The following CFAP36 variants were observed in gnomAD, a reference collection of about 807,000 sequenced individuals.
CFAP36 encodes cilia- and flagella-associated protein 36.
A neutral mutation model predicts 50.5 loss-of-function variants in CFAP36; 37 were observed. That is an observed-to-expected ratio of 0.73 (90% CI 0.56 to 0.96). The LOEUF (loss-of-function observed/expected upper bound fraction) is 0.96, where lower values mean the gene tolerates loss of function less well. Among genes scored for constraint, CFAP36 ranks in the 50% least tolerant of loss-of-function variants. The pLI is 0.00. For missense variants in CFAP36, 407 were observed against 396.2 expected, an observed-to-expected ratio of 1.03 and a Z score of -0.23; for synonymous variants, 138 against 128.2, an observed-to-expected ratio of 1.08 and a Z score of -0.52.
chr2:55,525,632 C>CT (rs35228412), intron 3 of CFAP36, among the ~76,000 whole-genome samples: 66,109 of 149,940 alleles, frequency 0.44, 15,415 homozygotes, highest in Non-Finnish European at 0.52. Context: ...AACTTGCTCT[C>CT]TTTTTTTTTT....
At chr2:55,531,026 A>G (rs1453548623) in intron 4 of CFAP36, 1 of 152,200 alleles carries the variant, frequency 6.6e-6, no homozygotes, top group Non-Finnish European at 1.5e-5. Context: ...AGAGCCAGCC[A>G]CCATCATAAT....
chr2:55,524,245 T>C (rs1684143973), intron 3 of CFAP36, among the ~76,000 whole-genome samples: 1 of 152,174 alleles, frequency 6.6e-6, no homozygotes, highest in East Asian at 1.9e-4. Flanking sequence ...ACATATGTTA[T>C]AAACTAATGT....
intron 6 of CFAP36, among the ~76,000 whole-genome samples, chr2:55,536,425 C>G (rs113399145): frequency 0.024 from 3,652 of 151,776 alleles, 150 homozygotes; most frequent in African/African-American, 0.083. Flanking sequence ...GCCACCATGC[C>G]CGGCCAGAAC....
chr2:55,521,595 A>ATG (rs60921606), intron 1 of CFAP36, among the ~76,000 whole-genome samples: 2,040 of 146,184 alleles, frequency 0.014, 24 homozygotes, highest in African/African-American at 0.029. Flanking sequence ...AATAGTATAT[A>ATG]TGTGTGTGTG....
In CFAP36 at chr2:55,524,850, A is replaced by G. The variant is rs889687516; in HGVS notation, c.282+1028A>G. Among the ~76,000 whole-genome samples the G allele has an allele frequency of 2.0e-5, 3 of 152,010 alleles. No individual in the cohort carries two copies. The East Asian group carries it at 5.8e-4, about 30-fold the overall frequency. On this transcript the variant is annotated intron_variant, in intron 3 of 9. Coordinates refer to ENST00000349456, the MANE Select transcript of CFAP36 (RefSeq NM_080667.7). ...TACAAAATTAGCTGGGCATGGTGGC[A>G]CATGCCTGTAATCCCAGCTACTTGG... is the stretch of plus-strand genomic sequence containing the variant.
In CFAP36 at chr2:55,522,157, C is replaced by A; in HGVS notation, c.171C>A (p.Tyr57Ter). 6.6e-7 allele frequency: 1 copy of A among 1,518,520 alleles called. No homozygotes were observed. The highest frequency in any genetic ancestry group is 9.0e-7 in the Non-Finnish European group (1 of 1,110,440). The allele number at this position is 1,518,520 out of a possible 1,614,324, so 94.1% of individuals were successfully genotyped here. ...CCTATACAGAGATTCATCAGGAATA[C>A]AAAGAACTAGTGAGTATTTTTTTTC... ...KLTYTEIHQE[Y>*]KELVEKLLEG... The change falls in exon 2 of 10, where the codon TAC becomes TAA. Residue 57 changes from tyrosine to a stop codon, truncating the protein, a stop_gained. Transcript: ENST00000349456. LOFTEE classifies it high-confidence loss of function.
intron 7 of CFAP36, among the ~76,000 whole-genome samples, chr2:55,541,374 C>A (rs1055042900): frequency 5.3e-5 from 8 of 152,130 alleles, no homozygotes; most frequent in African/African-American, 1.9e-4. Flanking sequence ...TTATTTAGTT[C>A]TTTGATTTCT....
chr2:55,529,749 C>G (rs1347956667), intron 4 of CFAP36, among the ~76,000 whole-genome samples: 1 of 150,602 alleles, frequency 6.6e-6, no homozygotes, highest in Non-Finnish European at 1.5e-5. Flanking sequence ...CGGGTTTACA[C>G]CATTCTCCTG....
chr2:55,528,547 C>A (rs1291134762), intron 3 of CFAP36, among the ~76,000 whole-genome samples: 1 of 152,044 alleles, frequency 6.6e-6, no homozygotes, highest in Non-Finnish European at 1.5e-5. Flanking sequence ...GTATGCACCA[C>A]CGCACCTGGC....
chr2:55,543,545 G>T (rs919839207), intron 7 of CFAP36, among the ~76,000 whole-genome samples: 2 of 152,126 alleles, frequency 1.3e-5, no homozygotes, highest in Non-Finnish European at 2.9e-5. Context: ...CTTTTTACAT[G>T]CAAGCAAAAG....
chr2:55,538,569 C>T (rs1463249567), intron 7 of CFAP36, among the ~76,000 whole-genome samples: 2 of 151,892 alleles, frequency 1.3e-5, no homozygotes, highest in Non-Finnish European at 2.9e-5. Context: ...GCTGGGATTA[C>T]AGGCATGAGC....
chr2:55,519,785 T>TAG lies in CFAP36; in HGVS notation c.-17_-16insAG. On this transcript the variant is annotated 5_prime_UTR_variant, in exon 1 of 10. Coordinates refer to ENST00000349456, the MANE Select transcript of CFAP36 (RefSeq NM_080667.7). ...GGTCTGGCCTAGGGATCTTCCCCGT[T>TAG]GCCCCTTTGGGGCGGGATGGCTGCG... 1 of 1,612,834 alleles carries TAG rather than the reference T, an allele frequency of 6.2e-7. No individual in the cohort carries two copies. The highest frequency in any genetic ancestry group is 1.3e-5 in the African/African-American group (1 of 75,054).
chr2:55,532,236 G>A (rs992933969), intron 4 of CFAP36, among the ~76,000 whole-genome samples: 1 of 151,638 alleles, frequency 6.6e-6, no homozygotes, highest in Non-Finnish European at 1.5e-5. Flanking sequence ...AGAAAAGAAA[G>A]AATGTTGCCT....
At chr2:55,533,127 A>C (rs1252782288) in intron 4 of CFAP36, among the ~76,000 whole-genome samples, 1 of 152,222 alleles carries the variant, frequency 6.6e-6, no homozygotes, top group Non-Finnish European at 1.5e-5. Context: ...GAAGACTTTT[A>C]ATGCTATTTC....
intron 6 of CFAP36, 69 bp from the exon 7 acceptor site, chr2:55,537,414 G>A (rs1684516360): frequency 2.0e-6 from 2 of 1,012,164 alleles, no homozygotes; most frequent in African/African-American, 1.6e-5. Context: ...GGATCCTTTA[G>A]GTAGTGAATT....
chr2:55,523,739 G>A lies in CFAP36; in HGVS notation c.199G>A (p.Gly67Ser), dbSNP rs1418903778. The change falls in exon 3 of 10, where the codon GGT becomes AGT. Residue 67 changes from glycine (G) to serine (S), a missense_variant. Transcript: ENST00000349456. ...YKELVEKLLE[G>S]YLKEIGINED... ...TTTTTAGGTTGAAAAGCTGTTAGAA[G>A]GTTACCTCAAAGAAATTGGAATTAA... 6.2e-7 allele frequency: 1 copy of A among 1,603,702 alleles called. No homozygotes were observed. The highest frequency in any genetic ancestry group is 2.2e-5 in the East Asian group (1 of 44,656).
intron 4 of CFAP36, chr2:55,530,888 C>T (rs951394450): frequency 6.6e-5 from 10 of 152,134 alleles, no homozygotes; most frequent in Non-Finnish European, 8.8e-5. Flanking sequence ...TCAGTTGTAT[C>T]GTTGGCTCTT....
intron 3 of CFAP36, among the ~76,000 whole-genome samples, chr2:55,528,371 C>T (rs905153145): frequency 6.6e-6 from 1 of 151,630 alleles, no homozygotes; most frequent in Non-Finnish European, 1.5e-5. Flanking sequence ...ATATAATTTG[C>T]ATATCACAAT....
At position 55,523,843 on chromosome 2, in the gene CFAP36, T is replaced by C. The variant is rs749518977; in HGVS notation, c.282+21T>C. 10 of 1,493,474 alleles carry C rather than the reference T, an allele frequency of 6.7e-6. No homozygotes were observed. The South Asian group carries it at 1.2e-4, about 18-fold the overall frequency. 92.5% of individuals were successfully genotyped at this position (1,493,474 alleles called of 1,614,324 possible). ...CACAGGTTTTTGCTTTGTGTTATTCTGCTAACATACAGTTTTAACAAATGC... is the reference window on the plus strand; with the variant it reads ...CACAGGTTTTTGCTTTGTGTTATTCCGCTAACATACAGTTTTAACAAATGC... On this transcript the variant is annotated intron_variant, in intron 3 of 9. Coordinates refer to ENST00000349456, the MANE Select transcript of CFAP36 (RefSeq NM_080667.7).
Sources: allele counts gnomAD v4.1 joint callset (sites outside exome capture counted in the v4.1 genomes callset), GRCh38; gene constraint gnomAD v4.1.1; transcripts MANE v1.5; gene names NCBI Gene and HGNC (gene_info 2026-07-23, HGNC 2026-07-21).